The following IGSF3 variants were observed in gnomAD, a reference collection of about 807,000 sequenced individuals.
IGSF3 encodes glu-Trp-Ile EWI motif-containing protein 3.
In IGSF3, 23 loss-of-function variants were observed where a neutral mutation model predicts 114.4. The observed-to-expected ratio is 0.20, with a 90% confidence interval of 0.14 to 0.28. IGSF3 has a LOEUF of 0.28. Among genes scored for constraint, IGSF3 ranks in the 10% least tolerant of loss-of-function variants. The pLI is 1.00. For synonymous variants in IGSF3, 571 were observed against 645.2 expected (o/e 0.88, Z 1.74); for missense variants, 1,172 against 1,591.5 (o/e 0.74, Z 4.48).
intron 2 of IGSF3, among the ~76,000 whole-genome samples, chr1:116,621,580 GTTCCTTTAAGCCTTAAGTTTGGGGCTT>G (rs1661420633): frequency 6.6e-6 from 1 of 151,880 alleles, no homozygotes; most frequent in Admixed American, 6.6e-5. Flanking sequence ...AACATCTATT[GTTCCTTTAAGCCTTAAGTTTGGGGCTT>G]TTTTTTTTAC....
intron 2 of IGSF3, among the ~76,000 whole-genome samples, chr1:116,626,788 G>A (rs1647308242): frequency 6.6e-6 from 1 of 152,016 alleles, no homozygotes; most frequent in Non-Finnish European, 1.5e-5. Context: ...CCTGAGTCCT[G>A]CCACCCTCTC....
chr1:116,665,254 T>A lies in IGSF3; in HGVS notation c.43+1030A>T, dbSNP rs1318010883. ...GACAATGCATGGAAGCAATCTCCAC[T>A]GCCAACAGATCACCCTAAGTTCCCT... On this transcript the variant is annotated intron_variant, in intron 2 of 10. Coordinates refer to ENST00000369486, the MANE Select transcript of IGSF3 (RefSeq NM_001007237.3). The surrounding 1 kb of genome is among the most constrained non-coding windows in gnomAD (Gnocchi z 4.0). Among the ~76,000 whole-genome samples the A allele has an allele frequency of 1.2e-4, 19 of 152,154 alleles. No individual in the cohort carries two copies. The highest frequency in any genetic ancestry group is 1.2e-3 in the Admixed American group (19 of 15,274).
rs1337777340 is a variant in IGSF3 at position 116,584,655 on chromosome 1, G to C, written c.2838C>G (p.Val946=). ...GACGTGGACCCTCACCTGGTCGCAT[G>C]ACTGTCAGAGCTGTCTGCCCAGCGG... ...EDTAGQTALT[V]MRPDASLQVD... is the part of the protein sequence containing the mutation. The change falls in exon 9 of 11, where the codon GTC becomes GTG. Residue 946 remains valine, a synonymous_variant. Transcript: ENST00000369486. The surrounding 1 kb of genome is among the most constrained non-coding windows in gnomAD (Gnocchi z 5.8). The C allele has an allele frequency of 3.7e-6, 6 of 1,614,166 alleles. No individual in the cohort carries two copies. The highest frequency in any genetic ancestry group is 5.1e-6 in the Non-Finnish European group (6 of 1,180,008).
rs1647750046 is a variant in IGSF3, at chr1:116,634,847, G to C, written c.44-18390C>G. ...AGCTCTCCTGGGACACACATTTGGA[G>C]CCTGAGTTGCGGTGTAAGCCATCTG... On this transcript the variant is annotated intron_variant, in intron 2 of 10. Transcript: ENST00000369486. The surrounding 1 kb of genome is among the most constrained non-coding windows in gnomAD (Gnocchi z 4.2). Among the ~76,000 whole-genome samples the C allele has an allele frequency of 6.6e-6, 1 of 152,086 alleles. No homozygotes were observed. Among genetic ancestry groups the C allele is most frequent in the African/African-American group, 2.4e-5 (1 of 41,410 alleles).
Position 116,577,558 on chromosome 1 carries a change from G to T in IGSF3, c.3339C>A (p.Pro1113=). Residue 1113 remains proline (P), a synonymous_variant, in exon 11 of 11, where the codon CCC becomes CCA. Transcript: ENST00000369486. The surrounding 1 kb of genome is among the most constrained non-coding windows in gnomAD (Gnocchi z 5.7). The part of the protein sequence containing the change: ...PIGIRVLDTS[P]TLQSIICSND... ...TGGAGCAGATGATGGACTGGAGGGT[G>T]GGACCTGAAAAGAATCATGAGAGAG... The T allele has an allele frequency of 1.9e-6, 3 of 1,613,774 alleles. No homozygotes were observed. Among genetic ancestry groups the T allele is most frequent in the Non-Finnish European group, 2.5e-6 (3 of 1,179,874 alleles).
chr1:116,619,470 A>G (rs1475772377), intron 2 of IGSF3, among the ~76,000 whole-genome samples: 1 of 152,204 alleles, frequency 6.6e-6, no homozygotes, highest in African/African-American at 2.4e-5. Flanking sequence ...TTAACCACAC[A>G]CATTCAGCTG....
chr1:116,658,875 T>C (rs1202758723), intron 2 of IGSF3, among the ~76,000 whole-genome samples: 6 of 152,212 alleles, frequency 3.9e-5, no homozygotes. Flanking sequence ...TGCAAATTGA[T>C]TGACTGTTTC....
rs569579681 is a variant in IGSF3 at position 116,588,400 on chromosome 1, C to T, written c.2440+294G>A. Among the ~76,000 whole-genome samples, 57 of 152,284 alleles carry T rather than the reference C, an allele frequency of 3.7e-4. No homozygotes were observed. The highest frequency in any genetic ancestry group is 7.2e-4 in the Admixed American group (11 of 15,306). ...AAGAAGATTCAGGAGCTGCCATGAA[C>T]CCTGCCTTGCCACATTTTGCTAACC... On this transcript the variant is annotated intron_variant, in intron 8 of 10. Transcript: ENST00000369486. This position sits in a 1 kb window ranked among gnomAD's most constrained non-coding sequence, Gnocchi z 4.9.
At position 116,607,275 on chromosome 1, in the gene IGSF3, A is replaced by G. The variant is rs1239543882; in HGVS notation, c.1222+667T>C. Reference sequence around the variant, plus strand: ...AACACCAGTAGTTTCTGGAATCCCTAGCAATGGCCACTACCCACCCACACA... The same window carrying G: ...AACACCAGTAGTTTCTGGAATCCCTGGCAATGGCCACTACCCACCCACACA... On this transcript the variant is annotated intron_variant, in intron 5 of 10. Coordinates refer to ENST00000369486, the MANE Select transcript of IGSF3 (RefSeq NM_001007237.3). This position sits in a 1 kb window ranked among gnomAD's most constrained non-coding sequence, Gnocchi z 6.1. Among the ~76,000 whole-genome samples the G allele has an allele frequency of 6.6e-6, 1 of 151,772 alleles. No individual in the cohort carries two copies. The highest frequency in any genetic ancestry group is 1.5e-5 in the Non-Finnish European group (1 of 68,020).
In IGSF3 at chr1:116,666,394, T is replaced by C. The variant is rs1285735902; in HGVS notation, c.-68A>G. The C allele has an allele frequency of 6.9e-7, 1 of 1,439,010 alleles. No homozygotes were observed. Among genetic ancestry groups the C allele is most frequent in the Non-Finnish European group, 9.8e-7 (1 of 1,020,352 alleles). 89.1% of individuals were successfully genotyped at this position (1,439,010 alleles called of 1,614,324 possible). The stretch of plus-strand genomic sequence containing the variant: ...CTCCCAGCTCCTAATCTCTCATTTC[T>C]GGCAATCCACTTATAGCTCCAGAGA... On this transcript the variant is annotated 5_prime_UTR_variant, in exon 2 of 11. Coordinates refer to ENST00000369486, the MANE Select transcript of IGSF3 (RefSeq NM_001007237.3).
At chr1:116,623,467 C>G (rs1571168150) in intron 2 of IGSF3, among the ~76,000 whole-genome samples, 1 of 151,978 alleles carries the variant, frequency 6.6e-6, no homozygotes, top group South Asian at 2.1e-4. Context: ...AGATGGATCA[C>G]TTGAGGTTAG....
chr1:116,622,132 A>C (rs1281167213), intron 2 of IGSF3, among the ~76,000 whole-genome samples: 3 of 152,190 alleles, frequency 2.0e-5, no homozygotes, highest in Non-Finnish European at 2.9e-5. Context: ...TCACCATTTT[A>C]CATCTACTTT....
Position 116,612,688 on chromosome 1 carries a change from C to T in IGSF3, c.832+1077G>A, listed in dbSNP as rs1193063393. 6.6e-6 allele frequency among the ~76,000 whole-genome samples: 1 copy of T among 152,270 alleles called. No homozygotes were observed. ...ACCAGGTCATTTCCCACAAGCCACA[C>T]TCACTCACCAGAACCACCACAGTCC... is the stretch of plus-strand genomic sequence containing the variant. On this transcript the variant is annotated intron_variant, in intron 4 of 10. Coordinates refer to ENST00000369486, the MANE Select transcript of IGSF3 (RefSeq NM_001007237.3). This position sits in a 1 kb window ranked among gnomAD's most constrained non-coding sequence, Gnocchi z 4.1.
Position 116,616,492 on chromosome 1 carries a change from T to A in IGSF3, c.44-35A>T. The A allele has an allele frequency of 6.4e-7, 1 of 1,553,162 alleles. No homozygotes were observed. On this transcript the variant is annotated intron_variant, in intron 2 of 10. Transcript: ENST00000369486. The surrounding 1 kb of genome is among the most constrained non-coding windows in gnomAD (Gnocchi z 6.6). Reference sequence around the variant, plus strand: ...AGAGAAACACACACAACATGCTTACTTACTTCTCAGACCAAAATGCAAAGT... The same window carrying A: ...AGAGAAACACACACAACATGCTTACATACTTCTCAGACCAAAATGCAAAGT...
In IGSF3 at chr1:116,576,326, G is replaced by C. The variant is rs183084669; in HGVS notation, c.*986C>G. On this transcript the variant is annotated 3_prime_UTR_variant, in exon 11 of 11. Coordinates refer to ENST00000369486, the MANE Select transcript of IGSF3 (RefSeq NM_001007237.3). The surrounding 1 kb of genome is among the most constrained non-coding windows in gnomAD (Gnocchi z 4.6). ...ACTGGACACTTTCTTTTAAGAGTTT[G>C]GCAAAGCACCTGAAGACACAGGCCC... The C allele has an allele frequency of 6.5e-6, 1 of 152,686 alleles. No individual in the cohort carries two copies. The highest frequency in any genetic ancestry group is 2.4e-5 in the African/African-American group (1 of 41,422). The allele number at this position is 152,686 out of a possible 1,614,324, so 9.5% of individuals were successfully genotyped here.
Position 116,577,090 on chromosome 1 carries a change from A to C in IGSF3, c.*222T>G, listed in dbSNP as rs1659377056. 1.8e-6 allele frequency: 1 copy of C among 556,612 alleles called. No individual in the cohort carries two copies. The highest frequency in any genetic ancestry group is 3.2e-6 in the Non-Finnish European group (1 of 312,774). The allele number at this position is 556,612 out of a possible 1,614,324, so 34.5% of individuals were successfully genotyped here. A position where few individuals can be genotyped will look rare whatever the true frequency, so the allele number is the denominator to read the frequency against. ...TAAAAACAGAAACAAGAAATCTATAATGGCAGGATCACAACATTTGCGCGC... is the reference window on the plus strand; with the variant it reads ...TAAAAACAGAAACAAGAAATCTATACTGGCAGGATCACAACATTTGCGCGC... On this transcript the variant is annotated 3_prime_UTR_variant, in exon 11 of 11. Coordinates refer to ENST00000369486, the MANE Select transcript of IGSF3 (RefSeq NM_001007237.3). The surrounding 1 kb of genome is among the most constrained non-coding windows in gnomAD (Gnocchi z 5.7).
intron 2 of IGSF3, among the ~76,000 whole-genome samples, chr1:116,617,715 A>G (rs1365509076): frequency 6.6e-6 from 1 of 152,228 alleles, no homozygotes; most frequent in Non-Finnish European, 1.5e-5. Context: ...TAACATCTGT[A>G]AAGACCCTAC....
At position 116,632,190 on chromosome 1, in the gene IGSF3, T is replaced by C. The variant is rs1178144757; in HGVS notation, c.44-15733A>G. Among the ~76,000 whole-genome samples, 1 of 152,182 alleles carries C rather than the reference T, an allele frequency of 6.6e-6. No homozygotes were observed. Among genetic ancestry groups the C allele is most frequent in the Non-Finnish European group, 1.5e-5 (1 of 68,036 alleles). ...TTAATGAGGGCTCTGATGATATAGT[T>C]GTGGAGGTTATCAGTTTGCCAGAGC... is the stretch of plus-strand genomic sequence containing the variant. On this transcript the variant is annotated intron_variant, in intron 2 of 10. Coordinates refer to ENST00000369486, the MANE Select transcript of IGSF3 (RefSeq NM_001007237.3). This position sits in a 1 kb window ranked among gnomAD's most constrained non-coding sequence, Gnocchi z 5.1.
Position 116,610,370 on chromosome 1 carries a change from T to TC in IGSF3, c.833-2040dup, listed in dbSNP as rs1295178336. 1.3e-5 allele frequency among the ~76,000 whole-genome samples: 2 copies of TC among 151,988 alleles called. No individual in the cohort carries two copies. Among genetic ancestry groups the TC allele is most frequent in the Non-Finnish European group, 2.9e-5 (2 of 68,000 alleles). ...AAAGACTCTTCTCATCTCAAGGGAA[T>TC]CCCCCCATGCCTTGGTGACACCTTC... is the stretch of plus-strand genomic sequence containing the variant. On this transcript the variant is annotated intron_variant, in intron 4 of 10. Coordinates refer to ENST00000369486, the MANE Select transcript of IGSF3 (RefSeq NM_001007237.3). The surrounding 1 kb of genome is among the most constrained non-coding windows in gnomAD (Gnocchi z 4.3).
Sources: gnomAD v4.1 joint callset for allele counts (sites outside exome capture counted in the v4.1 genomes callset) on GRCh38, gnomAD v4.1.1 for gene constraint, Gnocchi (gnomAD v3.1) non-coding constraint, MANE v1.5 for transcripts, NCBI Gene and HGNC (gene_info 2026-07-23, HGNC 2026-07-21) for gene names.